Variants in ZC3HC1 observed in about 807,000 individuals in gnomAD.
ZC3HC1 encodes zinc finger C3HC-type protein 1.
In ZC3HC1, 38 loss-of-function variants were observed where a neutral mutation model predicts 61.9. The ratio of observed to expected loss-of-function variants is 0.61; its 90% CI spans 0.47 to 0.81. The LOEUF is 0.81. Among genes scored for constraint, ZC3HC1 ranks in the 30% least tolerant of loss-of-function variants. The pLI, the probability that ZC3HC1 is intolerant of heterozygous loss-of-function variation, is 0.00. For synonymous variants in ZC3HC1, 213 were observed against 229.9 expected (o/e 0.93, Z 0.67); for missense variants, 554 against 622.7 (o/e 0.89, Z 1.17).
intron 5 of ZC3HC1, 55 bp downstream of exon 5, chr7:130,028,847 G>A: frequency 1.3e-6 from 2 of 1,587,936 alleles, no homozygotes; most frequent in Non-Finnish European, 1.7e-6. Flanking sequence ...AATGCTTCAG[G>A]TATAAATGCT....
At chr7:130,037,712 G>C (rs571366048) in intron 4 of ZC3HC1, among the ~76,000 whole-genome samples, 1 of 152,168 alleles carries the variant, frequency 6.6e-6, no homozygotes, top group South Asian at 2.1e-4. Flanking sequence ...TCTCCTTTTA[G>C]TGGTAAATCA....
intron 4 of ZC3HC1, among the ~76,000 whole-genome samples, chr7:130,036,432 G>T (rs1794434125): frequency 6.6e-6 from 1 of 151,942 alleles, no homozygotes; most frequent in African/African-American, 2.4e-5. Flanking sequence ...CATGGTGGCG[G>T]GCACCTGTAA....
At chr7:130,031,842 T>TC (rs923114019) in intron 4 of ZC3HC1, among the ~76,000 whole-genome samples, 2 of 151,968 alleles carry the variant, frequency 1.3e-5, no homozygotes, top group Non-Finnish European at 2.9e-5. Context: ...GAAGGTGTGC[T>TC]CCCCCCACCA....
At chr7:130,051,063 C>T (rs528909947) in intron 1 of ZC3HC1, among the ~76,000 whole-genome samples, 158 bp downstream of exon 1, 6 of 152,274 alleles carry the variant, frequency 3.9e-5, no homozygotes, top group African/African-American at 1.2e-4. Flanking sequence ...AAGATCAAAG[C>T]CGATCAAACA....
intron 9 of ZC3HC1, among the ~76,000 whole-genome samples, chr7:130,020,043 C>T (rs1307816777): frequency 2.0e-5 from 3 of 151,826 alleles, no homozygotes; most frequent in Non-Finnish European, 4.4e-5. Context: ...TCTTGATCTC[C>T]TGACCTCATG....
chr7:130,050,267 T>C (rs1180967395), intron 1 of ZC3HC1, among the ~76,000 whole-genome samples: 2 of 152,032 alleles, frequency 1.3e-5, no homozygotes, highest in African/African-American at 2.4e-5. Flanking sequence ...TTAGTAGAGA[T>C]GGGGTTTCAC....
intron 6 of ZC3HC1, 114 bp downstream of exon 6, chr7:130,026,042 GTC>G: frequency 7.9e-7 from 1 of 1,265,676 alleles, no homozygotes; most frequent in South Asian, 1.8e-5. Context: ...GTTTTTCTTT[GTC>G]TCTTTTTCTC....
intron 9 of ZC3HC1, 132 bp from the exon 10 acceptor site, chr7:130,018,864 T>A: frequency 1.5e-6 from 1 of 684,466 alleles, no homozygotes; most frequent in African/African-American, 1.8e-5. Flanking sequence ...CTATACATAA[T>A]GTATACCTAA....
chr7:130,022,144 C>T (rs1452464727), intron 9 of ZC3HC1, among the ~76,000 whole-genome samples, 175 bp downstream of exon 9: 1 of 152,142 alleles, frequency 6.6e-6, no homozygotes, highest in Admixed American at 6.6e-5. Flanking sequence ...GGACTCCAGC[C>T]TAGGCAACAA....
intron 2 of ZC3HC1, among the ~76,000 whole-genome samples, chr7:130,044,791 A>T (rs558188622): frequency 6.6e-6 from 1 of 152,288 alleles, no homozygotes; most frequent in Admixed American, 6.5e-5. Context: ...AATAGAAATC[A>T]CGTGTCACCT....
At chr7:130,049,837 A>C (rs1795006563) in intron 1 of ZC3HC1, among the ~76,000 whole-genome samples, 1 of 152,184 alleles carries the variant, frequency 6.6e-6, no homozygotes, top group East Asian at 1.9e-4. Context: ...GGCGTGAGCC[A>C]CAGCGCCTGG....
Position 130,026,387 on chromosome 7 carries a change from A to G in ZC3HC1, c.622-75T>C, listed in dbSNP as rs1793911816. ...AAATTACACATTATAACATACCTAG[A>G]TGGTACAAGCCGAAAATCAGGAAGG... is the stretch of plus-strand genomic sequence containing the variant. On this transcript the variant is annotated intron_variant, in intron 5 of 9. Transcript: ENST00000358303. 2.0e-6 allele frequency: 3 copies of G among 1,491,164 alleles called. No individual in the cohort carries two copies. The African/African-American group carries it at 4.2e-5, about 21-fold the overall frequency. 92.4% of individuals were successfully genotyped at this position (1,491,164 alleles called of 1,614,324 possible). A position where few individuals can be genotyped will look rare whatever the true frequency, so the allele number is the denominator to read the frequency against.
At chr7:130,020,992 G>T (rs1793619286) in intron 9 of ZC3HC1, among the ~76,000 whole-genome samples, 1 of 152,064 alleles carries the variant, frequency 6.6e-6, no homozygotes, top group Non-Finnish European at 1.5e-5. Flanking sequence ...CCGCCTCCTG[G>T]GTTCAAGTGA....
intron 2 of ZC3HC1, among the ~76,000 whole-genome samples, chr7:130,041,719 G>A (rs1794681944): frequency 6.6e-6 from 1 of 151,644 alleles, no homozygotes; most frequent in Non-Finnish European, 1.5e-5. Context: ...AATAGAGATA[G>A]GGTTTCATCA....
rs373380151 is a variant in ZC3HC1 at position 130,024,405 on chromosome 7, T to A, written c.878A>T (p.Asp293Val). 3 of 1,613,946 alleles carry A rather than the reference T, an allele frequency of 1.9e-6. No individual in the cohort carries two copies. Among genetic ancestry groups the A allele is most frequent in the Non-Finnish European group, 2.5e-6 (3 of 1,180,020 alleles). The stretch of plus-strand genomic sequence containing the variant: ...GGTCAGGCCAAAGGATGCATCCAGG[T>A]CAGTCATGGACGATTCAATCTGCTG... ...GFQQIESSMTDLDASFGLTSS... is the reference protein window; with the variant it reads ...GFQQIESSMTVLDASFGLTSS... Residue 293 changes from aspartate to valine, a missense_variant, in exon 7 of 10, where the codon GAC (aspartate) becomes GTC (valine). Physicochemically the swap from Asp to Val is radical, Grantham distance 152 (BLOSUM62 -3). Transcript: ENST00000358303.
intron 6 of ZC3HC1, 71 bp downstream of exon 6, chr7:130,026,087 T>G: frequency 1.4e-6 from 2 of 1,458,332 alleles, no homozygotes; most frequent in Non-Finnish European, 1.8e-6. Flanking sequence ...TAAATACGAT[T>G]AGTGACTGAT....
intron 9 of ZC3HC1, among the ~76,000 whole-genome samples, chr7:130,021,729 A>G (rs1793649539): frequency 6.6e-6 from 1 of 152,184 alleles, no homozygotes; most frequent in African/African-American, 2.4e-5. Flanking sequence ...CTGTTCATCT[A>G]TTTCTGTTTC....
Position 130,018,398 on chromosome 7 carries a change from G to A in ZC3HC1, c.*266C>T. On this transcript the variant is annotated 3_prime_UTR_variant, in exon 10 of 10. Transcript: ENST00000358303. ...GCTGAAATGGGTGGTCAGGTCCTTA[G>A]TCTTCCTTCTAGTCTGTTAATCCCA... The A allele has an allele frequency of 2.6e-6, 1 of 388,196 alleles. No homozygotes were observed. The highest frequency in any genetic ancestry group is 4.7e-6 in the Non-Finnish European group (1 of 214,324). 24.0% of individuals were successfully genotyped at this position (388,196 alleles called of 1,614,324 possible).
chr7:130,029,184 A>C (rs1371917518), intron 4 of ZC3HC1, among the ~76,000 whole-genome samples, 155 bp from the exon 5 acceptor site: 1 of 152,102 alleles, frequency 6.6e-6, no homozygotes, highest in African/African-American at 2.4e-5. Flanking sequence ...CAACCTAGCC[A>C]ACCTAGAAAC....
Sources: gnomAD v4.1 joint callset for allele counts (sites outside exome capture counted in the v4.1 genomes callset) on GRCh38, gnomAD v4.1.1 for gene constraint, MANE v1.5 for transcripts, NCBI Gene and HGNC (gene_info 2026-07-23, HGNC 2026-07-21) for gene names.